The following UNC79 variants were observed in gnomAD, a reference collection of about 807,000 sequenced individuals.
UNC79 encodes protein unc-79 homolog.
Under a neutral mutation model 283.1 loss-of-function variants are expected in UNC79, and 37 were observed. That is an observed-to-expected ratio of 0.13 (90% CI 0.10 to 0.17). UNC79 has a LOEUF of 0.17. Among genes scored for constraint, UNC79 ranks in the 10% least tolerant of loss-of-function variants. UNC79 has a pLI of 1.00. For synonymous variants in UNC79, 1,107 were observed against 1,200.2 expected (o/e 0.92, Z 1.61); for missense variants, 2,272 against 3,211.1 (o/e 0.71, Z 7.07).
intron 47 of UNC79, among the ~76,000 whole-genome samples, chr14:93,695,890 C>CAAAAAAAAAAAATAAAAAA (rs2075069015): frequency 2.5e-5 from 1 of 39,440 alleles, no homozygotes; most frequent in Admixed American, 3.6e-4. Flanking sequence ...GACTTTGTCT[C>CAAAAAAAAAAAATAAAAAA]AAAAAAAAAA....
chr14:93,620,607 GAA>G lies in UNC79; in HGVS notation c.4388-1011_4388-1010del, dbSNP rs899319998. Among the ~76,000 whole-genome samples, 7 of 152,138 alleles carry G rather than the reference GAA, an allele frequency of 4.6e-5. No individual in the cohort carries two copies. In the South Asian group the frequency reaches 1.5e-3, roughly 32 times the overall value. On this transcript the variant is annotated intron_variant, in intron 29 of 48. Transcript: ENST00000555664. ...GTGTCATCTGGTGTTAAGCACACTG[GAA>G]AAGTTTCCCAAAAAGGCGCTATTGG...
intron 40 of UNC79, among the ~76,000 whole-genome samples, chr14:93,671,447 A>C (rs2072844668): frequency 1.3e-5 from 2 of 152,118 alleles, no homozygotes; most frequent in South Asian, 4.1e-4. Flanking sequence ...AATATCCAGA[A>C]TATACAAGGA....
intron 1 of UNC79, among the ~76,000 whole-genome samples, chr14:93,351,177 A>C (rs943905802): frequency 6.6e-6 from 1 of 152,138 alleles, no homozygotes; most frequent in Non-Finnish European, 1.5e-5. Context: ...TACTTGGCTT[A>C]AAAAAATGAA....
chr14:93,568,858 C>T (rs753712007), intron 14 of UNC79, among the ~76,000 whole-genome samples: 6 of 152,054 alleles, frequency 3.9e-5, no homozygotes, highest in Admixed American at 2.6e-4. Flanking sequence ...TGGGGGAAAC[C>T]TTTAAGATCT....
chr14:93,662,999 G>C (rs533368975), intron 40 of UNC79, among the ~76,000 whole-genome samples: 82 of 152,282 alleles, frequency 5.4e-4, no homozygotes, highest in African/African-American at 1.9e-3. Flanking sequence ...AATGAAAAGA[G>C]CTAATGGTTG....
In UNC79 at chr14:93,704,754, T is replaced by C. The variant is rs114358151; in HGVS notation, c.7590+88T>C. The C allele has an allele frequency of 1.1e-3, 1,597 of 1,504,812 alleles. 21 individuals are homozygous for C. In the African/African-American group the frequency reaches 0.019, roughly 18 times the overall value. The allele number at this position is 1,504,812 out of a possible 1,614,324, so 93.2% of individuals were successfully genotyped here. A position where few individuals can be genotyped will look rare whatever the true frequency, so the allele number is the denominator to read the frequency against. On this transcript the variant is annotated intron_variant, in intron 48 of 48. Coordinates refer to ENST00000555664, the Ensembl canonical transcript of UNC79. ...GGGATTGTTGATGCTCCATTTACTA[T>C]GGAGAAGGATGAATTCAACCTGCTC...
At chr14:93,579,866 G>A (rs1162904549) in intron 18 of UNC79, among the ~76,000 whole-genome samples, 4 of 152,108 alleles carry the variant, frequency 2.6e-5, no homozygotes, top group South Asian at 2.1e-4. Flanking sequence ...AAACCGATTA[G>A]CCAAAAGCAA....
intron 1 of UNC79, among the ~76,000 whole-genome samples, chr14:93,383,598 C>T (rs947703899): frequency 6.6e-6 from 1 of 152,162 alleles, no homozygotes; most frequent in Non-Finnish European, 1.5e-5. Flanking sequence ...TATGAACCTA[C>T]AGCAAGGTGT....
chr14:93,339,298 CTTTA>C (rs1333892479), intron 1 of UNC79, among the ~76,000 whole-genome samples: 5 of 151,514 alleles, frequency 3.3e-5, no homozygotes, highest in African/African-American at 4.9e-5. Flanking sequence ...CCATTTTTTT[CTTTA>C]TTTTTCTTTT....
At chr14:93,568,125 T>C (rs1379984010) in intron 14 of UNC79, among the ~76,000 whole-genome samples, 1 of 152,106 alleles carries the variant, frequency 6.6e-6, no homozygotes, top group Non-Finnish European at 1.5e-5. Context: ...CATTTCCCTT[T>C]AGCTTAGTAA....
chr14:93,667,293 CAG>C (rs1281697597), intron 40 of UNC79, among the ~76,000 whole-genome samples: 2 of 152,066 alleles, frequency 1.3e-5, no homozygotes, highest in African/African-American at 4.8e-5. Flanking sequence ...ATCAATACAA[CAG>C]AAAGGTGGCT....
At chr14:93,479,053 G>T (rs530533909) in intron 4 of UNC79, among the ~76,000 whole-genome samples, 94 of 152,244 alleles carry the variant, frequency 6.2e-4, no homozygotes, top group African/African-American at 2.2e-3. Flanking sequence ...TTACTGACAA[G>T]TACTCATTTC....
Position 93,688,557 on chromosome 14 carries a change from C to A in UNC79, c.6910-108C>A. On this transcript the variant is annotated intron_variant, in intron 43 of 48. Coordinates refer to ENST00000555664, the Ensembl canonical transcript of UNC79. This position sits in a 1 kb window ranked among gnomAD's most constrained non-coding sequence, Gnocchi z 4.0. Reference sequence around the variant, plus strand: ...AAGAAGTTTAAGCAGGTTGTTTGCTCAGAGTGGCGATAAGCGGGGTGGAAA... The same window carrying A: ...AAGAAGTTTAAGCAGGTTGTTTGCTAAGAGTGGCGATAAGCGGGGTGGAAA... 1 of 1,287,084 alleles carries A rather than the reference C, an allele frequency of 7.8e-7. No individual in the cohort carries two copies. The highest frequency in any genetic ancestry group is 1.5e-5 in the South Asian group (1 of 66,998). 79.7% of individuals were successfully genotyped at this position (1,287,084 alleles called of 1,614,324 possible).
chr14:93,622,103 C>T (rs1224530283), exon 30 of UNC79: 2 of 1,614,168 alleles, frequency 1.2e-6, no homozygotes, highest in East Asian at 2.2e-5. Flanking sequence ...ACACTCTATA[C>T]TCTCAACCTC....
intron 7 of UNC79, among the ~76,000 whole-genome samples, chr14:93,512,267 G>A (rs2059860896): frequency 1.3e-5 from 2 of 151,982 alleles, no homozygotes; most frequent in Non-Finnish European, 2.9e-5. Context: ...TCTTGTAATT[G>A]TACCTCTGAA....
Position 93,551,031 on chromosome 14 carries a change from A to ATTAT in UNC79, c.1755+8354_1755+8357dup, listed in dbSNP as rs200451234. 9.5e-3 allele frequency among the ~76,000 whole-genome samples: 1,436 copies of ATTAT among 151,678 alleles called. 25 individuals carry two copies. The highest frequency in any genetic ancestry group is 0.033 in the African/African-American group (1,352 of 41,444). ...GCTGGTAGGATTTATTTTTTATTTT[A>ATTAT]TTATTTATTTATTTATTTATTTTAT... On this transcript the variant is annotated intron_variant, in intron 14 of 48. Transcript: ENST00000555664.
intron 12 of UNC79, 124 bp downstream of exon 12, chr14:93,538,342 C>T (rs2141143894): frequency 1.0e-6 from 1 of 977,436 alleles, no homozygotes. Flanking sequence ...GCTCACCTTC[C>T]CACAGTGTTG....
chr14:93,403,249 A>G (rs2140032684), intron 1 of UNC79, among the ~76,000 whole-genome samples: 1 of 152,360 alleles, frequency 6.6e-6, no homozygotes, highest in South Asian at 2.1e-4. Context: ...TCGTGTAAGC[A>G]GAGGGATGAC....
chr14:93,565,235 A>G (rs983499378), intron 14 of UNC79, among the ~76,000 whole-genome samples: 1 of 151,876 alleles, frequency 6.6e-6, no homozygotes, highest in Admixed American at 6.6e-5. Context: ...CTTGTTTTTT[A>G]TTGGTCGTTG....
Sources: gnomAD v4.1 joint callset for allele counts (sites outside exome capture counted in the v4.1 genomes callset) on GRCh38, gnomAD v4.1.1 for gene constraint, Gnocchi (gnomAD v3.1) non-coding constraint, MANE v1.5 for transcripts, NCBI Gene and HGNC (gene_info 2026-07-23, HGNC 2026-07-21) for gene names.